EPB41L2: variants seen among roughly 807,000 people sequenced by gnomAD.
The protein encoded by EPB41L2 is erythrocyte membrane protein band 4.1 like 2.
EPB41L2 carries 43 observed loss-of-function variants against 113.0 expected under a neutral mutation model. That is an observed-to-expected ratio of 0.38 (90% confidence interval 0.30 to 0.49). The LOEUF (loss-of-function observed/expected upper bound fraction) is 0.49. EPB41L2 is among the 20% of genes least tolerant of loss of function. The pLI is 0.95. For synonymous variants in EPB41L2, 442 were observed against 436.7 expected, an observed-to-expected ratio of 1.01 and a Z score of -0.15; for missense variants, 1,147 against 1,223.4, an observed-to-expected ratio of 0.94 and a Z score of 0.93.
chr6:130,988,466 T>G (rs1781079401), intron 1 of EPB41L2, among the ~76,000 whole-genome samples: 1 of 152,148 alleles, frequency 6.6e-6, no homozygotes, highest in Admixed American at 6.5e-5. Flanking sequence ...AAAACTTTTT[T>G]CCAAACAAGT....
At chr6:131,003,961 T>C (rs1784905535) in intron 1 of EPB41L2, among the ~76,000 whole-genome samples, 1 of 152,206 alleles carries the variant, frequency 6.6e-6, no homozygotes, top group Non-Finnish European at 1.5e-5. Flanking sequence ...CATATTTGAC[T>C]GGCTCTGCTT....
intron 4 of EPB41L2, 59 bp from the exon 5 acceptor site, chr6:130,908,922 T>G: frequency 7.6e-7 from 1 of 1,309,294 alleles, no homozygotes; most frequent in Non-Finnish European, 1.1e-6. Flanking sequence ...AATAGAACAG[T>G]TTACAGTTCA....
At chr6:130,858,765 C>T (rs1188081108) in intron 18 of EPB41L2, among the ~76,000 whole-genome samples, 1 of 152,218 alleles carries the variant, frequency 6.6e-6, no homozygotes, top group Non-Finnish European at 1.5e-5. Context: ...ATTGTTTGAA[C>T]TAAAATGTTT....
chr6:130,858,205 G>A lies in EPB41L2; in HGVS notation c.2949C>T (p.His983=). The A allele has an allele frequency of 6.2e-7, 1 of 1,613,876 alleles. No homozygotes were observed. The highest frequency in any genetic ancestry group is 8.5e-7 in the Non-Finnish European group (1 of 1,179,874). Residue 983 remains histidine, a synonymous_variant, in exon 19 of 20, where the codon CAC becomes CAT. Transcript: ENST00000337057. ...CCACTCTTGTGACCGACATGTCAGG[G>A]TGCTGCTCTCTGGCTTCCCTGATCG... ...AQAIREAREQ[H]PDMSVTRVVV...
chr6:130,883,531 C>T (rs1035197451), intron 12 of EPB41L2, among the ~76,000 whole-genome samples: 1 of 152,088 alleles, frequency 6.6e-6, no homozygotes, highest in Non-Finnish European at 1.5e-5. Flanking sequence ...AGTTGTTCAC[C>T]GCAGACAAGG....
intron 4 of EPB41L2, among the ~76,000 whole-genome samples, chr6:130,912,494 C>T (rs537914346): frequency 1.1e-4 from 17 of 152,262 alleles, no homozygotes; most frequent in African/African-American, 4.1e-4. Flanking sequence ...TGGCTCTGTT[C>T]TAACACTGGT....
chr6:131,047,659 T>C (rs1027870421), intron 1 of EPB41L2, among the ~76,000 whole-genome samples: 2 of 152,208 alleles, frequency 1.3e-5, no homozygotes, highest in Admixed American at 6.5e-5. Context: ...GGCATGTACC[T>C]TCCCCTCGAT....
intron 11 of EPB41L2, among the ~76,000 whole-genome samples, chr6:130,885,613 T>C (rs866750850): frequency 3.4e-4 from 51 of 152,150 alleles, no homozygotes; most frequent in African/African-American, 1.2e-3. Flanking sequence ...TAAGCAGTAT[T>C]TTAACTCTTT....
chr6:131,036,287 T>G (rs895193992), intron 1 of EPB41L2, among the ~76,000 whole-genome samples: 6 of 152,110 alleles, frequency 3.9e-5, no homozygotes, highest in Admixed American at 2.6e-4. Flanking sequence ...ATCCCCTAGC[T>G]ACAGCATAAG....
At chr6:130,882,337 G>C (rs1406178491) in intron 12 of EPB41L2, 1 of 152,388 alleles carries the variant, frequency 6.6e-6, no homozygotes, top group Non-Finnish European at 1.5e-5. Flanking sequence ...CAATGAAGGA[G>C]AAGTGTCTAC....
In EPB41L2 at chr6:130,945,295, A is replaced by T. The variant is rs1294491144; in HGVS notation, c.705+9810T>A. Among the ~76,000 whole-genome samples, 3 of 152,236 alleles carry T rather than the reference A, an allele frequency of 2.0e-5. No individual in the cohort carries two copies. The East Asian group carries it at 5.8e-4, about 29-fold the overall frequency. On this transcript the variant is annotated intron_variant, in intron 3 of 19. Coordinates refer to ENST00000337057, the MANE Select transcript of EPB41L2 (RefSeq NM_001431.4). The stretch of plus-strand genomic sequence containing the variant: ...AAACAAGCAAATAAAACACACTCAA[A>T]GTAATGATAGCAAATTGGATTTCCG...
intron 1 of EPB41L2, among the ~76,000 whole-genome samples, chr6:131,028,251 A>C (rs892455914): frequency 1.3e-5 from 2 of 152,236 alleles, no homozygotes; most frequent in South Asian, 4.1e-4. Flanking sequence ...TATGCCAAAC[A>C]AGCCTTTCAT....
intron 8 of EPB41L2, among the ~76,000 whole-genome samples, chr6:130,897,122 C>A (rs559000559): frequency 9.2e-5 from 14 of 152,164 alleles, no homozygotes; most frequent in Admixed American, 9.2e-4. Flanking sequence ...CCACGGGTGT[C>A]CCGCTTCTCT....
chr6:131,024,392 G>C (rs1186138907), intron 1 of EPB41L2, among the ~76,000 whole-genome samples: 2 of 152,112 alleles, frequency 1.3e-5, no homozygotes, highest in Non-Finnish European at 2.9e-5. Context: ...CTTGTATCCA[G>C]GCCAAGGAAG....
intron 19 of EPB41L2, among the ~76,000 whole-genome samples, chr6:130,844,011 A>G (rs1776269974): frequency 6.6e-6 from 1 of 152,214 alleles, no homozygotes; most frequent in Non-Finnish European, 1.5e-5. Flanking sequence ...ATTGATCTCA[A>G]TCTTGAGTGC....
intron 1 of EPB41L2, among the ~76,000 whole-genome samples, chr6:131,045,370 A>ATATGAAT (rs1562792621): frequency 2.0e-5 from 3 of 151,834 alleles, no homozygotes; most frequent in Non-Finnish European, 1.5e-5. Flanking sequence ...TATTCATTTA[A>ATATGAAT]AAATGATGAG....
rs187162995 is a variant in EPB41L2 at position 130,945,540 on chromosome 6, A to G, written c.705+9565T>C. 8.9e-4 allele frequency among the ~76,000 whole-genome samples: 136 copies of G among 152,300 alleles called. 1 individual carries two copies. The highest frequency in any genetic ancestry group is 2.9e-3 in the African/African-American group (119 of 41,560). On this transcript the variant is annotated intron_variant, in intron 3 of 19. Coordinates refer to ENST00000337057, the MANE Select transcript of EPB41L2 (RefSeq NM_001431.4). ...AACAACTTTGAGATGCCAGAGGAAA[A>G]TGTGAGCAACTCTAACTCAGAATGC... is the stretch of plus-strand genomic sequence containing the variant.
intron 13 of EPB41L2, 46 bp downstream of exon 13, chr6:130,880,098 G>T: frequency 1.4e-6 from 2 of 1,445,444 alleles, no homozygotes; most frequent in Non-Finnish European, 1.9e-6. Context: ...GTCCACAGCA[G>T]CCGGGCAGCC....
intron 14 of EPB41L2, among the ~76,000 whole-genome samples, chr6:130,871,011 T>C (rs574615016): frequency 2.7e-4 from 41 of 152,178 alleles, no homozygotes; most frequent in Non-Finnish European, 5.4e-4. Context: ...TTAGCTCCTC[T>C]ACTAGCATCT....
Sources: gnomAD v4.1 joint callset for allele counts (sites outside exome capture counted in the v4.1 genomes callset) on GRCh38, gnomAD v4.1.1 for gene constraint, MANE v1.5 for transcripts, NCBI Gene and HGNC (gene_info 2026-07-23, HGNC 2026-07-21) for gene names.